The following DAG1 variants were observed in gnomAD, a reference collection of about 807,000 sequenced individuals.
DAG1 encodes the protein dystroglycan 1.
Under a neutral mutation model 46.1 loss-of-function variants are expected in DAG1, and 8 were observed. That is an observed-to-expected ratio of 0.17 (90% CI 0.10 to 0.31). DAG1 has a LOEUF of 0.31. DAG1 is among the 10% of genes least tolerant of loss of function. The probability of loss-of-function intolerance (pLI) is 1.00; values close to 1 mark genes in which losing one functional copy is unlikely to be tolerated. For synonymous variants in DAG1, 495 were observed against 481.8 expected (o/e 1.03, Z -0.36); for missense variants, 1,003 against 1,189.9 (o/e 0.84, Z 2.31).
chr3:49,524,601 A>G (rs1201323199), intron 2 of DAG1, among the ~76,000 whole-genome samples: 1 of 152,190 alleles, frequency 6.6e-6, no homozygotes, highest in Non-Finnish European at 1.5e-5. Context: ...TGATCACTTC[A>G]GCCCAGGAGT....
intron 1 of DAG1, among the ~76,000 whole-genome samples, chr3:49,481,051 A>G (rs1469448780): frequency 1.8e-4 from 26 of 145,290 alleles, no homozygotes; most frequent in Non-Finnish European, 2.4e-4. Context: ...GTGAGCCACC[A>G]CGCCCGGCCT....
At chr3:49,527,320 C>A (rs1409634529) in intron 2 of DAG1, among the ~76,000 whole-genome samples, 1 of 150,988 alleles carries the variant, frequency 6.6e-6, no homozygotes, top group African/African-American at 2.4e-5. Context: ...CTCAGGAGAT[C>A]GAGACCATCT....
In DAG1 at chr3:49,514,871, A is replaced by T. The variant is rs561162377; in HGVS notation, c.285+4052A>T. On this transcript the variant is annotated intron_variant, in intron 2 of 2. Coordinates refer to ENST00000308775, the MANE Select transcript of DAG1 (RefSeq NM_004393.6). ...TAGACACACACACACATATATATAT[A>T]TTTTTTGAGATGGAATCTTGCTCTT... 2.7e-3 allele frequency among the ~76,000 whole-genome samples: 407 copies of T among 148,558 alleles called. 1 individual carries two copies. The highest frequency in any genetic ancestry group is 9.7e-3 in the African/African-American group (386 of 39,960).
chr3:49,518,462 G>T (rs748135106), intron 2 of DAG1, among the ~76,000 whole-genome samples: 2 of 152,208 alleles, frequency 1.3e-5, no homozygotes, highest in Non-Finnish European at 2.9e-5. Context: ...CCTGGTGTCA[G>T]TCTGTTGATA....
chr3:49,494,401 C>T lies in DAG1; in HGVS notation c.-116-16018C>T, dbSNP rs1338777182. On this transcript the variant is annotated intron_variant, in intron 1 of 2. Coordinates refer to ENST00000308775, the MANE Select transcript of DAG1 (RefSeq NM_004393.6). ...GTTGCCTGGAGCTTCCCTGACATTT[C>T]GCCTCACTCCTCTGTTTTGGAGTCT... 3.3e-5 allele frequency among the ~76,000 whole-genome samples: 5 copies of T among 152,242 alleles called. No homozygotes were observed. The South Asian group carries it at 6.2e-4, about 19-fold the overall frequency.
chr3:49,518,965 T>C (rs530333687), intron 2 of DAG1, among the ~76,000 whole-genome samples: 1 of 152,362 alleles, frequency 6.6e-6, no homozygotes, highest in African/African-American at 2.4e-5. Context: ...AGCTCTTGAC[T>C]GTCCTTGGCT....
intron 1 of DAG1, among the ~76,000 whole-genome samples, chr3:49,474,378 C>T (rs552263720): frequency 6.6e-6 from 1 of 151,472 alleles, no homozygotes; most frequent in South Asian, 2.1e-4. Flanking sequence ...TGGAGTTTCG[C>T]TCCTTTGCCC....
intron 2 of DAG1, among the ~76,000 whole-genome samples, chr3:49,525,422 G>A (rs1394736166): frequency 6.6e-6 from 1 of 152,220 alleles, no homozygotes; most frequent in South Asian, 2.1e-4. Context: ...TGGTTCTGCA[G>A]GCTATACAGG....
At chr3:49,527,341 G>A (rs1159212764) in intron 2 of DAG1, among the ~76,000 whole-genome samples, 2 of 151,350 alleles carry the variant, frequency 1.3e-5, no homozygotes, top group Admixed American at 6.6e-5. Flanking sequence ...TGGCTAACAC[G>A]GTGAAACCCC....
intron 1 of DAG1, among the ~76,000 whole-genome samples, chr3:49,483,643 A>G (rs534852592): frequency 5.1e-4 from 78 of 151,842 alleles, no homozygotes; most frequent in Non-Finnish European, 7.2e-4. Context: ...AGTAAGTTCT[A>G]CCTCTTATGT....
Position 49,532,818 on chromosome 3 carries a change from C to G in DAG1, c.2307C>G (p.Ile769Met), listed in dbSNP as rs1319468242. Residue 769 changes from isoleucine to methionine, a missense_variant, in exon 3 of 3, where the codon ATC (isoleucine) becomes ATG (methionine). This residue lies in a region of DAG1 where 755 missense variants were observed against 854.1 expected (regional missense o/e 0.88). Coordinates refer to ENST00000308775, the MANE Select transcript of DAG1 (RefSeq NM_004393.6). This position sits in a 1 kb window ranked among gnomAD's most constrained non-coding sequence, Gnocchi z 5.4. Reference sequence around the variant, plus strand: ...CAGCCATCCTGCTCATTGCTGGCATCATTGCCATGATCTGCTACCGCAAGA... The same window carrying G: ...CAGCCATCCTGCTCATTGCTGGCATGATTGCCATGATCTGCTACCGCAAGA... Reference protein sequence around the residue: ...VVAAILLIAGIIAMICYRKKR... With the variant: ...VVAAILLIAGMIAMICYRKKR... The G allele has an allele frequency of 2.5e-6, 4 of 1,613,980 alleles. No individual in the cohort carries two copies. The highest frequency in any genetic ancestry group is 3.4e-6 in the Non-Finnish European group (4 of 1,180,030).
chr3:49,491,781 T>G lies in DAG1; in HGVS notation c.-116-18638T>G, dbSNP rs115243439. 7.3e-3 allele frequency among the ~76,000 whole-genome samples: 1,099 copies of G among 151,426 alleles called. 15 individuals carry two copies. The highest frequency in any genetic ancestry group is 0.026 in the African/African-American group (1,065 of 41,354). On this transcript the variant is annotated intron_variant, in intron 1 of 2. Transcript: ENST00000308775. ...GTGAGCCACCGCGCCCGGCCTGTCC[T>G]GCTATTTTTGTATTTTTAGTAGAGA...
chr3:49,486,509 C>T (rs1019363166), intron 1 of DAG1, among the ~76,000 whole-genome samples: 15 of 150,316 alleles, frequency 1.0e-4, no homozygotes, highest in African/African-American at 3.4e-4. Context: ...TGAGCCACCG[C>T]GCCCGGCCCT....
chr3:49,516,263 C>T (rs2107711113), intron 2 of DAG1, among the ~76,000 whole-genome samples: 1 of 152,314 alleles, frequency 6.6e-6, no homozygotes. Flanking sequence ...ACATAGTAGG[C>T]CCTCAAATGT....
chr3:49,497,147 T>TA (rs1353224435), intron 1 of DAG1, among the ~76,000 whole-genome samples: 1 of 150,934 alleles, frequency 6.6e-6, no homozygotes, highest in Non-Finnish European at 1.5e-5. Flanking sequence ...AAATAAAAAC[T>TA]AAAAAATGGC....
intron 2 of DAG1, among the ~76,000 whole-genome samples, chr3:49,516,353 T>C (rs560509688): frequency 1.3e-5 from 2 of 152,364 alleles, no homozygotes; most frequent in Admixed American, 1.3e-4. Flanking sequence ...CCTTGCTGTA[T>C]GCAGGGAGAA....
intron 1 of DAG1, chr3:49,493,108 G>A (rs1462917525): frequency 1.6e-5 from 2 of 122,094 alleles, no homozygotes; most frequent in African/African-American, 6.2e-5. Flanking sequence ...GCAGTGGCAT[G>A]ATCATGGCTC....
chr3:49,507,181 AAAGAAAAAG>A (rs942102870), intron 1 of DAG1, among the ~76,000 whole-genome samples: 2 of 151,978 alleles, frequency 1.3e-5, no homozygotes, highest in African/African-American at 4.8e-5. Context: ...TCTCCAAAAA[AAAGAAAAAG>A]AAGAAAAAGA....
At position 49,532,599 on chromosome 3, in the gene DAG1, A is replaced by AGAGCCT; in HGVS notation, c.2091_2096dup (p.Glu697_Pro698dup). 5 of 1,613,048 alleles carry AGAGCCT rather than the reference A, an allele frequency of 3.1e-6. No individual in the cohort carries two copies. Among genetic ancestry groups the AGAGCCT allele is most frequent in the Non-Finnish European group, 4.2e-6 (5 of 1,179,138 alleles). On this transcript the variant is annotated inframe_insertion, in exon 3 of 3. Transcript: ENST00000308775. The surrounding 1 kb of genome is among the most constrained non-coding windows in gnomAD (Gnocchi z 5.4). ...CTCGGCCTGCCTTCTCCAACGCCCTAGAGCCTGACTTTAAGGCCACAAGCA... is the reference window on the plus strand; with the variant it reads ...CTCGGCCTGCCTTCTCCAACGCCCTAGAGCCTGAGCCTGACTTTAAGGCCACAAGCA...
Sources: gnomAD v4.1 joint callset for allele counts (sites outside exome capture counted in the v4.1 genomes callset) on GRCh38, gnomAD v4.1.1 for gene constraint, gnomAD v4.1.1 regional missense constraint, Gnocchi (gnomAD v3.1) non-coding constraint, MANE v1.5 for transcripts, NCBI Gene and HGNC (gene_info 2026-07-23, HGNC 2026-07-21) for gene names.